TRAF3: variants seen among roughly 807,000 people sequenced by gnomAD.
TRAF3 encodes the protein TNF receptor-associated factor 3.
TRAF3 carries 13 observed loss-of-function variants against 62.3 expected under a neutral mutation model. That is an observed-to-expected ratio of 0.21 (90% CI 0.14 to 0.33). The LOEUF (loss-of-function observed/expected upper bound fraction) is 0.33, where lower values mean the gene tolerates loss of function less well. TRAF3 is among the 10% of genes least tolerant of loss of function. The pLI, the probability that TRAF3 is intolerant of heterozygous loss-of-function variation, is 1.00. For missense variants in TRAF3, 440 were observed against 741.8 expected (o/e 0.59, Z 4.73); for synonymous variants, 269 against 283.4 (o/e 0.95, Z 0.51).
rs34879884 is a variant in TRAF3, at chr14:102,794,161, GTCTC to G, written c.-157+16496_-157+16499del. Among the ~76,000 whole-genome samples the G allele has an allele frequency of 5.1e-3, 776 of 151,666 alleles. 10 individuals carry two copies. The highest frequency in any genetic ancestry group is 0.018 in the African/African-American group (760 of 41,414). ...CTAGGAGAGGAAGTGGAAGCTGCCA[GTCTC>G]TCTCTCTCTTTCTTCTTTTTTTTCT... On this transcript the variant is annotated intron_variant, in intron 1 of 11. Transcript: ENST00000392745.
chr14:102,843,179 G>A (rs2139687640), intron 2 of TRAF3, among the ~76,000 whole-genome samples: 1 of 151,408 alleles, frequency 6.6e-6, no homozygotes, highest in African/African-American at 2.4e-5. Context: ...CTCTAGCCTG[G>A]GCGACAGAGG....
intron 2 of TRAF3, among the ~76,000 whole-genome samples, chr14:102,860,138 T>C (rs1224242514): frequency 6.6e-6 from 1 of 152,226 alleles, no homozygotes; most frequent in Admixed American, 6.5e-5. Context: ...GCCAAGAGCA[T>C]GCTCTTAATC....
At chr14:102,789,539 C>T (rs1342449079) in intron 1 of TRAF3, among the ~76,000 whole-genome samples, 1 of 151,944 alleles carries the variant, frequency 6.6e-6, no homozygotes, top group African/African-American at 2.4e-5. Context: ...CAGAGTGGCA[C>T]CTCTCACACC....
intron 7 of TRAF3, 84 bp from the exon 8 acceptor site, chr14:102,889,476 C>A: frequency 7.3e-7 from 1 of 1,362,798 alleles, no homozygotes. Context: ...AATAGTACAG[C>A]TCAGATGCTA....
At chr14:102,799,220 G>C (rs1348445215) in intron 1 of TRAF3, among the ~76,000 whole-genome samples, 2 of 152,124 alleles carry the variant, frequency 1.3e-5, no homozygotes, top group Non-Finnish European at 2.9e-5. Flanking sequence ...TTCTCATGAT[G>C]GGTACATTTG....
At chr14:102,831,413 C>A (rs1034952154) in intron 2 of TRAF3, among the ~76,000 whole-genome samples, 1 of 152,128 alleles carries the variant, frequency 6.6e-6, no homozygotes, top group African/African-American at 2.4e-5. Context: ...GCTCAGCAGG[C>A]GGAGGTAAAA....
intron 1 of TRAF3, among the ~76,000 whole-genome samples, chr14:102,793,395 C>T (rs1173642580): frequency 6.6e-6 from 1 of 152,010 alleles, no homozygotes; most frequent in Admixed American, 6.6e-5. Context: ...CTCAAGTGAT[C>T]CTCTTGCCTC....
rs116704874 is a variant in TRAF3 at position 102,786,228 on chromosome 14, G to A, written c.-157+8553G>A. ...AGGTAACTGTAGAGTTCACAGTCAC[G>A]TGGAAAAGCCTCTGAAACCTAAATT... On this transcript the variant is annotated intron_variant, in intron 1 of 11. Transcript: ENST00000392745. Among the ~76,000 whole-genome samples, 851 of 152,250 alleles carry A rather than the reference G, an allele frequency of 5.6e-3. 7 individuals are homozygous for A. Among genetic ancestry groups the A allele is most frequent in the African/African-American group, 0.02 (823 of 41,536 alleles).
At chr14:102,882,383 C>T (rs1482611386) in intron 6 of TRAF3, among the ~76,000 whole-genome samples, 4 of 152,118 alleles carry the variant, frequency 2.6e-5, no homozygotes, top group Non-Finnish European at 5.9e-5. Context: ...CTCTCAGGGC[C>T]TGCAGACATT....
At chr14:102,875,511 TTAAGAG>T in intron 4 of TRAF3, 107 bp from the exon 5 acceptor site, 1 of 863,166 alleles carries the variant, frequency 1.2e-6, no homozygotes, top group Admixed American at 2.1e-5. Context: ...TGAAGTTCAC[TTAAGAG>T]TTCCTCTCTT....
intron 2 of TRAF3, among the ~76,000 whole-genome samples, chr14:102,861,990 GTTAA>G (rs1887705298): frequency 6.6e-6 from 1 of 152,118 alleles, no homozygotes; most frequent in Non-Finnish European, 1.5e-5. Flanking sequence ...CTCCCATTCT[GTTAA>G]TTGTCTTTTC....
intron 4 of TRAF3, among the ~76,000 whole-genome samples, chr14:102,872,439 C>T (rs1018373069): frequency 6.6e-6 from 1 of 152,206 alleles, no homozygotes; most frequent in Non-Finnish European, 1.5e-5. Flanking sequence ...CCCCAGGCCC[C>T]CTGTGATATC....
chr14:102,874,864 C>T (rs985362105), intron 4 of TRAF3, among the ~76,000 whole-genome samples: 8 of 152,044 alleles, frequency 5.3e-5, no homozygotes, highest in Admixed American at 4.6e-4. Flanking sequence ...ATTGTGTTGC[C>T]TAGGCTGGTC....
intron 2 of TRAF3, among the ~76,000 whole-genome samples, chr14:102,867,054 G>T (rs1888040754): frequency 6.6e-6 from 1 of 152,142 alleles, no homozygotes; most frequent in South Asian, 2.1e-4. Flanking sequence ...TGTAAGTGTT[G>T]GTGAGAGTGT....
At chr14:102,795,221 T>A (rs944812299) in intron 1 of TRAF3, among the ~76,000 whole-genome samples, 4 of 152,220 alleles carry the variant, frequency 2.6e-5, no homozygotes, top group Admixed American at 2.0e-4. Context: ...CTCAGCTGAT[T>A]GTTGCAACAC....
rs1009383746 is a variant in TRAF3 at position 102,838,097 on chromosome 14, G to A, written c.-18+7625G>A. Reference sequence around the variant, plus strand: ...CTGACTCGAGGTAGACCGCTGTGCCGCTTAGTAACGTATCGTGTTGTGAAG... The same window carrying A: ...CTGACTCGAGGTAGACCGCTGTGCCACTTAGTAACGTATCGTGTTGTGAAG... On this transcript the variant is annotated intron_variant, in intron 2 of 11. Coordinates refer to ENST00000392745, the MANE Select transcript of TRAF3 (RefSeq NM_145725.3). 2.0e-5 allele frequency among the ~76,000 whole-genome samples: 3 copies of A among 152,190 alleles called. No homozygotes were observed. In the East Asian group the frequency reaches 5.8e-4, roughly 29 times the overall value.
At chr14:102,794,160 AGT>A (rs1491421014) in intron 1 of TRAF3, among the ~76,000 whole-genome samples, 1 of 106,054 alleles carries the variant, frequency 9.4e-6, no homozygotes, top group Non-Finnish European at 2.5e-5. Context: ...GGAAGCTGCC[AGT>A]CTCTCTCTCT....
intron 2 of TRAF3, among the ~76,000 whole-genome samples, chr14:102,849,508 G>A (rs752207430): frequency 1.3e-5 from 2 of 152,212 alleles, no homozygotes; most frequent in Admixed American, 1.3e-4. Context: ...TGACAATGCT[G>A]GGCCCCAAAT....
At chr14:102,904,238 G>C (rs1296378964) in intron 11 of TRAF3, among the ~76,000 whole-genome samples, 2 of 152,250 alleles carry the variant, frequency 1.3e-5, no homozygotes, top group African/African-American at 4.8e-5. Flanking sequence ...TGTCCAGACA[G>C]ACAGGGCTGT....
Sources: allele counts gnomAD v4.1 joint callset (sites outside exome capture counted in the v4.1 genomes callset), GRCh38; gene constraint gnomAD v4.1.1; transcripts MANE v1.5; gene names NCBI Gene and HGNC (gene_info 2026-07-23, HGNC 2026-07-21).